Variants in XIAP observed in about 807,000 individuals in gnomAD.
The protein encoded by XIAP is E3 ubiquitin-protein ligase XIAP.
Under a neutral mutation model 33.1 loss-of-function variants are expected in XIAP, and 3 were observed. The observed-to-expected ratio is 0.09, with a 90% CI of 0.04 to 0.23. XIAP has a LOEUF of 0.23. Among genes scored for constraint, XIAP ranks in the 10% least tolerant of loss-of-function variants. XIAP has a pLI of 1.00. For missense variants in XIAP, 264 were observed against 363.0 expected, an observed-to-expected ratio of 0.73 and a Z score of 2.22; for synonymous variants, 98 against 121.3, an observed-to-expected ratio of 0.81 and a Z score of 1.26.
rs758607010 is a variant in XIAP at position 123,886,635 on chromosome X, T to G, written c.877+96T>G. The G allele has an allele frequency of 2.3e-3, 2,168 of 952,896 alleles. 4 individuals carry two copies. The highest frequency in any genetic ancestry group is 3.1e-3 in the Non-Finnish European group (2,105 of 687,568). The allele number at this position is 952,896 out of a possible 1,213,427, so 78.5% of individuals were successfully genotyped here. On this transcript the variant is annotated intron_variant, in intron 2 of 6. Coordinates refer to ENST00000371199, the MANE Select transcript of XIAP (RefSeq NM_001167.4). ...CCTTAGCCCCCTGAACTGGTAAATA[T>G]TTAGGTATAACTTGGCATGATTATA... is the stretch of plus-strand genomic sequence containing the variant.
rs982138652 is a variant in XIAP at position 123,911,872 on chromosome X, G to C, written c.*4691G>C. ...GCATAACAGAGTTATAGAATGACAG[G>C]GCTGGAAGTGACCTTAGAGAGTATC... On this transcript the variant is annotated 3_prime_UTR_variant, in exon 7 of 7. Coordinates refer to ENST00000371199, the MANE Select transcript of XIAP (RefSeq NM_001167.4). The C allele has an allele frequency of 3.1e-6, 1 of 327,019 alleles. No individual in the cohort carries two copies. Among genetic ancestry groups the C allele is most frequent in the East Asian group, 9.8e-5 (1 of 10,246 alleles). 27.0% of individuals were successfully genotyped at this position (327,019 alleles called of 1,213,427 possible). A position where few individuals can be genotyped will look rare whatever the true frequency, so the allele number is the denominator to read the frequency against.
Position 123,909,299 on chromosome X carries a change from GGGATTACAGGCTT to G in XIAP, c.*2120_*2132del, listed in dbSNP as rs924788840. ...ACTCGCCTTGCCCTCCCAAAGTGCT[GGGATTACAGGCTT>G]GAGCCACCACGCCCGGCTAAAACAT... is the stretch of plus-strand genomic sequence containing the variant. On this transcript the variant is annotated 3_prime_UTR_variant, in exon 7 of 7. Coordinates refer to ENST00000371199, the MANE Select transcript of XIAP (RefSeq NM_001167.4). 3.0e-6 allele frequency: 1 copy of G among 329,120 alleles called. No individual in the cohort carries two copies. The highest frequency in any genetic ancestry group is 3.1e-5 in the Admixed American group (1 of 32,256). 27.1% of individuals were successfully genotyped at this position (329,120 alleles called of 1,213,427 possible).
rs1446558654 is a variant in XIAP, at chrX:123,910,617, C to A, written c.*3436C>A. The A allele has an allele frequency of 3.0e-6, 1 of 329,072 alleles. No individual in the cohort carries two copies. Among genetic ancestry groups the A allele is most frequent in the South Asian group, 2.6e-5 (1 of 38,460 alleles). 27.1% of individuals were successfully genotyped at this position (329,072 alleles called of 1,213,427 possible). On this transcript the variant is annotated 3_prime_UTR_variant, in exon 7 of 7. Coordinates refer to ENST00000371199, the MANE Select transcript of XIAP (RefSeq NM_001167.4). Reference sequence around the variant, plus strand: ...GGGCTCAGTGGCTCACGCCTGTAATCCCAGCACTTTGGGAGGCTGAGGCAG... The same window carrying A: ...GGGCTCAGTGGCTCACGCCTGTAATACCAGCACTTTGGGAGGCTGAGGCAG...
At position 123,900,600 on chromosome X, in the gene XIAP, A is replaced by G. The variant is rs764816401; in HGVS notation, c.1207A>G (p.Asn403Asp). Residue 403 changes from asparagine (N) to aspartate (D), a missense_variant, in exon 6 of 7, where the codon AAC becomes GAC. Physicochemically the swap from Asn to Asp is conservative, Grantham distance 23. Coordinates refer to ENST00000371199, the MANE Select transcript of XIAP (RefSeq NM_001167.4). ...GGAAAAAATTCAGATATCTGGGAGC[A>G]ACTATAAATCACTTGAGGTTCTGGT... ...MEEKIQISGS[N>D]YKSLEVLVAD... 4.1e-6 allele frequency: 5 copies of G among 1,209,686 alleles called. No individual in the cohort carries two copies. Among genetic ancestry groups the G allele is most frequent in the Non-Finnish European group, 4.5e-6 (4 of 895,018 alleles).
intron 3 of XIAP, among the ~76,000 whole-genome samples, chrX:123,889,745 C>G (rs1456561318): frequency 1.8e-5 from 2 of 109,902 alleles, no homozygotes; most frequent in African/African-American, 6.6e-5. Context: ...TCTCGAACTC[C>G]CAACCTCAGG....
chrX:123,890,263 G>A (rs1293237701), intron 3 of XIAP, among the ~76,000 whole-genome samples: 3 of 103,056 alleles, frequency 2.9e-5, no homozygotes, highest in South Asian at 4.5e-4. Flanking sequence ...TGATCCGCCC[G>A]CCTCGGCCTC....
chrX:123,904,660 C>T (rs1242040976), intron 6 of XIAP, among the ~76,000 whole-genome samples: 2 of 112,172 alleles, frequency 1.8e-5, no homozygotes, highest in African/African-American at 6.5e-5. Flanking sequence ...CTCGCTCTGT[C>T]GCCCAGGCTG....
At chrX:123,903,180 ATTTTTTTTT>A (rs56868819) in intron 6 of XIAP, among the ~76,000 whole-genome samples, 2 of 65,292 alleles carry the variant, frequency 3.1e-5, no homozygotes, top group Non-Finnish European at 5.5e-5. Flanking sequence ...TTATTTTATA[ATTTTTTTTT>A]TTTTTTTTTT....
rs2053598661 is a variant in XIAP at position 123,911,212 on chromosome X, T to G, written c.*4031T>G. ...ATATAAATCAGCTGGGCGCGGTGGC[T>G]CATGCCTGTAATCCCAGCACTTTGG... On this transcript the variant is annotated 3_prime_UTR_variant, in exon 7 of 7. Coordinates refer to ENST00000371199, the MANE Select transcript of XIAP (RefSeq NM_001167.4). The G allele has an allele frequency of 3.1e-6, 1 of 322,198 alleles. No individual in the cohort carries two copies. The highest frequency in any genetic ancestry group is 3.0e-5 in the African/African-American group (1 of 33,034). The allele number at this position is 322,198 out of a possible 1,213,427, so 26.6% of individuals were successfully genotyped here.
intron 1 of XIAP, among the ~76,000 whole-genome samples, chrX:123,877,767 G>T (rs976763858): frequency 2.7e-5 from 3 of 110,426 alleles, no homozygotes; most frequent in East Asian, 2.9e-4. Flanking sequence ...AGGTCAGGAG[G>T]TCGAGACCAT....
chrX:123,913,445 A>G lies in XIAP; in HGVS notation c.*6264A>G, dbSNP rs182574700. 5 of 329,038 alleles carry G rather than the reference A, an allele frequency of 1.5e-5. No individual in the cohort carries two copies. The highest frequency in any genetic ancestry group is 9.7e-5 in the East Asian group (1 of 10,290). 27.1% of individuals were successfully genotyped at this position (329,038 alleles called of 1,213,427 possible). A position where few individuals can be genotyped will look rare whatever the true frequency, so the allele number is the denominator to read the frequency against. Reference sequence around the variant, plus strand: ...AGATGGCGCCACCGCACTCCAGCCTAGGTGATAGAGTGAGACTCCCTCTCA... The same window carrying G: ...AGATGGCGCCACCGCACTCCAGCCTGGGTGATAGAGTGAGACTCCCTCTCA... On this transcript the variant is annotated 3_prime_UTR_variant, in exon 7 of 7. Coordinates refer to ENST00000371199, the MANE Select transcript of XIAP (RefSeq NM_001167.4).
In XIAP at chrX:123,909,895, C is replaced by G. The variant is rs1418730839; in HGVS notation, c.*2714C>G. ...GTTTGAACTATAAAAAGCACCGGATCTTTTCCATCTAATTCCGCAAAAATT... is the reference window on the plus strand; with the variant it reads ...GTTTGAACTATAAAAAGCACCGGATGTTTTCCATCTAATTCCGCAAAAATT... On this transcript the variant is annotated 3_prime_UTR_variant, in exon 7 of 7. Coordinates refer to ENST00000371199, the MANE Select transcript of XIAP (RefSeq NM_001167.4). The G allele has an allele frequency of 1.5e-5, 5 of 328,056 alleles. No homozygotes were observed. Among genetic ancestry groups the G allele is most frequent in the Admixed American group, 3.1e-5 (1 of 31,935 alleles). 27.0% of individuals were successfully genotyped at this position (328,056 alleles called of 1,213,427 possible).
rs1302026504 is a variant in XIAP at position 123,909,913 on chromosome X, C to T, written c.*2732C>T. On this transcript the variant is annotated 3_prime_UTR_variant, in exon 7 of 7. Transcript: ENST00000371199. ...ACCGGATCTTTTCCATCTAATTCCG[C>T]AAAAATTGATCATTTGCAAAGTCAA... The T allele has an allele frequency of 3.0e-6, 1 of 329,631 alleles. No homozygotes were observed. The highest frequency in any genetic ancestry group is 3.1e-5 in the Admixed American group (1 of 32,225). The allele number at this position is 329,631 out of a possible 1,213,427, so 27.2% of individuals were successfully genotyped here.
At chrX:123,900,396 A>G in intron 5 of XIAP, 97 bp from the exon 6 acceptor site, 1 of 792,955 alleles carries the variant, frequency 1.3e-6, no homozygotes, top group Non-Finnish European at 1.8e-6. Flanking sequence ...CTTGCTCCTT[A>G]ATTTTTTCAT....
At chrX:123,900,950 C>T (rs1269749610) in intron 6 of XIAP, among the ~76,000 whole-genome samples, 1 of 111,712 alleles carries the variant, frequency 9.0e-6, no homozygotes, top group Non-Finnish European at 1.9e-5. Context: ...TGAGGGCCCT[C>T]TTCCTACCTT....
chrX:123,907,366 AG>A lies in XIAP; in HGVS notation c.*186del, dbSNP rs1439410529. On this transcript the variant is annotated 3_prime_UTR_variant, in exon 7 of 7. Transcript: ENST00000371199. ...GAATTTCTTGATTTTTCAGGGTATT[AG>A]CTGTATTATCCATTTTTTTTACTGT... 15 of 504,920 alleles carry A rather than the reference AG, an allele frequency of 3.0e-5. No individual in the cohort carries two copies. The highest frequency in any genetic ancestry group is 5.2e-5 in the Non-Finnish European group (15 of 286,290). The allele number at this position is 504,920 out of a possible 1,213,427, so 41.6% of individuals were successfully genotyped here. A position where few individuals can be genotyped will look rare whatever the true frequency, so the allele number is the denominator to read the frequency against.
In XIAP at chrX:123,908,738, A is replaced by G. The variant is rs1439603662; in HGVS notation, c.*1557A>G. 14 of 347,015 alleles carry G rather than the reference A, an allele frequency of 4.0e-5. No homozygotes were observed. The highest frequency in any genetic ancestry group is 6.5e-5 in the Non-Finnish European group (12 of 183,238). The allele number at this position is 347,015 out of a possible 1,213,427, so 28.6% of individuals were successfully genotyped here. A position where few individuals can be genotyped will look rare whatever the true frequency, so the allele number is the denominator to read the frequency against. Reference sequence around the variant, plus strand: ...AAAATATTGGCAAGAAAAGAAGAATAGTTGTTTAAATATTTTTTAAAAAAC... The same window carrying G: ...AAAATATTGGCAAGAAAAGAAGAATGGTTGTTTAAATATTTTTTAAAAAAC... On this transcript the variant is annotated 3_prime_UTR_variant, in exon 7 of 7. Transcript: ENST00000371199.
At chrX:123,893,687 A>T (rs2053431340) in intron 5 of XIAP, among the ~76,000 whole-genome samples, 1 of 110,889 alleles carries the variant, frequency 9.0e-6, no homozygotes, top group Non-Finnish European at 1.9e-5. Flanking sequence ...CTAAAAATCC[A>T]AAAATTAGCC....
intron 1 of XIAP, among the ~76,000 whole-genome samples, chrX:123,877,977 A>G (rs913990474): frequency 5.9e-5 from 5 of 85,280 alleles, no homozygotes; most frequent in Admixed American, 2.5e-4. Flanking sequence ...CAAAGAAAAA[A>G]AAAAAAAAAG....
Sources: gnomAD v4.1 joint callset for allele counts (sites outside exome capture counted in the v4.1 genomes callset) on GRCh38, gnomAD v4.1.1 for gene constraint, MANE v1.5 for transcripts, NCBI Gene and HGNC (gene_info 2026-07-23, HGNC 2026-07-21) for gene names.